The following BCL2L1 variants were observed in gnomAD, a reference collection of about 807,000 sequenced individuals.
BCL2L1 encodes bcl-2-like protein 1.
BCL2L1 carries 1 observed loss-of-function variant against 18.7 expected under a neutral mutation model. That is an observed-to-expected ratio of 0.05 (90% CI 0.02 to 0.25). The LOEUF is 0.25. Ranked by LOEUF, BCL2L1 falls within the 10% of genes least tolerant of loss-of-function variation. BCL2L1 has a pLI of 1.00. For synonymous variants in BCL2L1, 103 were observed against 122.7 expected (o/e 0.84, Z 1.06); for missense variants, 207 against 304.9 (o/e 0.68, Z 2.39).
At chr20:31,699,892 A>T (rs2061247678) in intron 2 of BCL2L1, among the ~76,000 whole-genome samples, 1 of 152,216 alleles carries the variant, frequency 6.6e-6, no homozygotes, top group South Asian at 2.1e-4. Context: ...CCATTATCCC[A>T]TTGGATCTCT....
intron 2 of BCL2L1, among the ~76,000 whole-genome samples, chr20:31,708,011 G>A (rs2061396479): frequency 6.6e-6 from 1 of 152,178 alleles, no homozygotes; most frequent in African/African-American, 2.4e-5. Context: ...AGCAGCTGCT[G>A]CCTGAGAGAG....
At chr20:31,708,012 C>T (rs1021841417) in intron 2 of BCL2L1, among the ~76,000 whole-genome samples, 4 of 152,138 alleles carry the variant, frequency 2.6e-5, no homozygotes, top group African/African-American at 7.2e-5. Context: ...GCAGCTGCTG[C>T]CTGAGAGAGT....
chr20:31,720,949 T>C, intron 2 of BCL2L1: 1 of 985,406 alleles, frequency 1.0e-6, no homozygotes. Flanking sequence ...TCCCCTGGCT[T>C]AATGTGTGAC....
At chr20:31,699,081 G>A (rs1224062389) in intron 2 of BCL2L1, among the ~76,000 whole-genome samples, 1 of 152,232 alleles carries the variant, frequency 6.6e-6, no homozygotes, top group African/African-American at 2.4e-5. Flanking sequence ...AGGTGGACAA[G>A]AGGGAGTCGG....
chr20:31,697,225 T>C (rs1268425591), intron 2 of BCL2L1, among the ~76,000 whole-genome samples: 2 of 152,102 alleles, frequency 1.3e-5, no homozygotes, highest in Non-Finnish European at 2.9e-5. Context: ...GAGTGCTCAA[T>C]GGATGGTAGC....
intron 2 of BCL2L1, among the ~76,000 whole-genome samples, chr20:31,703,530 T>C (rs1261647544): frequency 4.6e-5 from 7 of 150,942 alleles, no homozygotes; most frequent in Non-Finnish European, 1.0e-4. Flanking sequence ...CTCACTCTGT[T>C]GCCCAGGCTG....
At chr20:31,680,558 A>G (rs1380795544) in intron 2 of BCL2L1, among the ~76,000 whole-genome samples, 2 of 152,182 alleles carry the variant, frequency 1.3e-5, no homozygotes, top group African/African-American at 4.8e-5. Flanking sequence ...GCTTTGGTGA[A>G]GCTATTAGAT....
chr20:31,687,619 G>A (rs545695599), intron 2 of BCL2L1, among the ~76,000 whole-genome samples: 228 of 147,272 alleles, frequency 1.5e-3, no homozygotes, highest in African/African-American at 5.6e-3. Context: ...GGAGGTTGCA[G>A]TGAGCCAAGA....
chr20:31,715,608 T>C (rs1433431000), intron 2 of BCL2L1, among the ~76,000 whole-genome samples: 2 of 152,182 alleles, frequency 1.3e-5, no homozygotes, highest in African/African-American at 4.8e-5. Context: ...ACTCAGGACA[T>C]ACCATCCCAA....
intron 2 of BCL2L1, among the ~76,000 whole-genome samples, chr20:31,701,027 T>G (rs6060793): frequency 0.29 from 44,274 of 151,982 alleles, 8,091 homozygotes; most frequent in African/African-American, 0.51. Context: ...AGGTGCAGTC[T>G]GGGACAATCC....
At chr20:31,699,441 C>T (rs1371367017) in intron 2 of BCL2L1, among the ~76,000 whole-genome samples, 1 of 152,202 alleles carries the variant, frequency 6.6e-6, no homozygotes, top group Non-Finnish European at 1.5e-5. Flanking sequence ...TGGCTAAGTC[C>T]GAACATGCCT....
At chr20:31,714,602 A>G (rs1471944910) in intron 2 of BCL2L1, among the ~76,000 whole-genome samples, 3 of 152,140 alleles carry the variant, frequency 2.0e-5, no homozygotes, top group Admixed American at 6.5e-5. Context: ...AGGTATTATT[A>G]TTTGTCCCAA....
At chr20:31,720,487 G>C (rs1475009235) in intron 2 of BCL2L1, 25 of 964,684 alleles carry the variant, frequency 2.6e-5, no homozygotes, top group Non-Finnish European at 3.0e-5. Context: ...AAGAAAACAG[G>C]ACTGAATTCA....
intron 2 of BCL2L1, among the ~76,000 whole-genome samples, chr20:31,692,245 G>A (rs919801283): frequency 6.6e-6 from 1 of 152,246 alleles, no homozygotes; most frequent in African/African-American, 2.4e-5. Flanking sequence ...TTGAACATGT[G>A]CATGTGCAGG....
chr20:31,710,725 T>C (rs1052083360), intron 2 of BCL2L1, among the ~76,000 whole-genome samples: 1 of 152,266 alleles, frequency 6.6e-6, no homozygotes, highest in Non-Finnish European at 1.5e-5. Flanking sequence ...TTTTGGTGTT[T>C]ACTCTACAGG....
intron 2 of BCL2L1, chr20:31,720,272 G>A (rs989747221): frequency 1.8e-6 from 1 of 571,124 alleles, no homozygotes; most frequent in African/African-American, 2.0e-5. Context: ...TTGCTCAGTG[G>A]TAAAGTGAAG....
At chr20:31,682,365 A>G (rs1016820558) in intron 2 of BCL2L1, among the ~76,000 whole-genome samples, 2 of 152,212 alleles carry the variant, frequency 1.3e-5, no homozygotes, top group African/African-American at 2.4e-5. Flanking sequence ...GCTGGAAGGC[A>G]GCACAGACAC....
At chr20:31,681,730 C>G (rs1366043727) in intron 2 of BCL2L1, among the ~76,000 whole-genome samples, 1 of 152,344 alleles carries the variant, frequency 6.6e-6, no homozygotes, top group African/African-American at 2.4e-5. Context: ...CCTCTTGGCC[C>G]TCTGTTTCCC....
intron 2 of BCL2L1, among the ~76,000 whole-genome samples, chr20:31,696,582 C>G (rs1056527879): frequency 1.3e-5 from 2 of 152,204 alleles, no homozygotes; most frequent in Non-Finnish European, 2.9e-5. Context: ...TATGCCCATG[C>G]ACTGTATACA....
Sources: allele counts gnomAD v4.1 joint callset (sites outside exome capture counted in the v4.1 genomes callset), GRCh38; gene constraint gnomAD v4.1.1; transcripts MANE v1.5; gene names NCBI Gene and HGNC (gene_info 2026-07-23, HGNC 2026-07-21).